The following DNAH17 variants were observed in gnomAD, a reference collection of about 807,000 sequenced individuals.
The protein encoded by DNAH17 is axonemal beta dynein heavy chain 17.
A neutral mutation model predicts 485.6 loss-of-function variants in DNAH17; 376 were observed. That is an observed-to-expected ratio of 0.77 (90% CI 0.71 to 0.84). The LOEUF (loss-of-function observed/expected upper bound fraction) is 0.84. Ranked by LOEUF, DNAH17 falls within the 40% of genes least tolerant of loss-of-function variation. The pLI is 0.00. For synonymous variants in DNAH17, 3,031 were observed against 2,405.9 expected (o/e 1.26, Z -7.60); for missense variants, 6,370 against 5,839.3 (o/e 1.09, Z -2.96).
At chr17:78,566,205 G>A (rs1392176658) in intron 11 of DNAH17, among the ~76,000 whole-genome samples, 1 of 152,138 alleles carries the variant, frequency 6.6e-6, no homozygotes, top group Non-Finnish European at 1.5e-5. Flanking sequence ...ATAGTAGCCT[G>A]CATGGACGAA....
intron 16 of DNAH17, among the ~76,000 whole-genome samples, chr17:78,546,029 C>T (rs2091753892): frequency 6.6e-6 from 1 of 151,768 alleles, no homozygotes; most frequent in Admixed American, 6.6e-5. Flanking sequence ...GGCTGGAGGG[C>T]AGTGGCACAA....
In DNAH17 at chr17:78,561,882, T is replaced by TA; in HGVS notation, c.1667dup (p.Asp557ArgfsTer4). 1 of 1,613,950 alleles carries TA rather than the reference T, an allele frequency of 6.2e-7. No homozygotes were observed. Among genetic ancestry groups the TA allele is most frequent in the South Asian group, 1.1e-5 (1 of 91,082 alleles). On this transcript the variant is annotated frameshift_variant, in exon 12 of 81. Transcript: ENST00000389840. LOFTEE classifies it high-confidence loss of function. Reference sequence around the variant, plus strand: ...CATCGTACAAGATCTTAGCATTGTCTAGCTCAGCGTCAAACAGCTCCAGCA... The same window carrying TA: ...CATCGTACAAGATCTTAGCATTGTCTAAGCTCAGCGTCAAACAGCTCCAGCA...
At chr17:78,535,164 G>A (rs1247820978) in intron 19 of DNAH17, among the ~76,000 whole-genome samples, 1 of 152,198 alleles carries the variant, frequency 6.6e-6, no homozygotes, top group African/African-American at 2.4e-5. Flanking sequence ...GAGCAGCTCT[G>A]TCTGCAGCAA....
intron 16 of DNAH17, among the ~76,000 whole-genome samples, chr17:78,544,998 T>C (rs1188913136): frequency 6.6e-6 from 1 of 151,938 alleles, no homozygotes; most frequent in Non-Finnish European, 1.5e-5. Flanking sequence ...CTCCATCCCA[T>C]CCCCCACTGG....
chr17:78,549,747 G>A (rs1214979189), intron 16 of DNAH17, among the ~76,000 whole-genome samples: 2 of 152,168 alleles, frequency 1.3e-5, no homozygotes, highest in African/African-American at 4.8e-5. Flanking sequence ...CTCAGGGGCA[G>A]CAGGAATCTC....
intron 20 of DNAH17, among the ~76,000 whole-genome samples, chr17:78,532,238 C>T (rs2091260019): frequency 6.6e-6 from 1 of 152,184 alleles, no homozygotes; most frequent in Non-Finnish European, 1.5e-5. Context: ...TTCCCCAGCT[C>T]CCTCTGCCTC....
At chr17:78,478,929 A>G in intron 51 of DNAH17, 96 bp downstream of exon 51, 1 of 932,288 alleles carries the variant, frequency 1.1e-6, no homozygotes. Context: ...CACCATCATC[A>G]GTCCACACCT....
chr17:78,544,243 C>T (rs1338851807), intron 16 of DNAH17, among the ~76,000 whole-genome samples: 1 of 152,180 alleles, frequency 6.6e-6, no homozygotes, highest in African/African-American at 2.4e-5. Flanking sequence ...CACAGAAAGA[C>T]CATTGAGATG....
chr17:78,532,227 T>C (rs2091259687), intron 20 of DNAH17, among the ~76,000 whole-genome samples: 2 of 152,118 alleles, frequency 1.3e-5, no homozygotes, highest in Admixed American at 1.3e-4. Context: ...TTCCCCACAT[T>C]TTCCCCAGCT....
chr17:78,574,198 G>T (rs1055078739), intron 2 of DNAH17, among the ~76,000 whole-genome samples: 4 of 152,192 alleles, frequency 2.6e-5, no homozygotes, highest in Non-Finnish European at 5.9e-5. Context: ...TTGTTAGACA[G>T]CAGGTCTGTG....
chr17:78,462,769 GCCTGTGA>G, intron 57 of DNAH17, 68 bp downstream of exon 57: 1 of 1,455,330 alleles, frequency 6.9e-7, no homozygotes, highest in Non-Finnish European at 9.5e-7. Flanking sequence ...GCCCGTGGAT[GCCTGTGA>G]CAGTAGCAGC....
At chr17:78,560,421 C>T (rs2092126713) in intron 13 of DNAH17, among the ~76,000 whole-genome samples, 2 of 152,090 alleles carry the variant, frequency 1.3e-5, no homozygotes, top group Non-Finnish European at 2.9e-5. Context: ...TGTGAATTCT[C>T]CCCAGTGTGC....
intron 11 of DNAH17, among the ~76,000 whole-genome samples, chr17:78,565,352 C>G (rs923568491): frequency 2.0e-5 from 3 of 152,228 alleles, no homozygotes; most frequent in Non-Finnish European, 4.4e-5. Context: ...AACACCAACT[C>G]GATCCAAGAC....
chr17:78,492,809 G>A lies in DNAH17; in HGVS notation c.6409-44C>T, dbSNP rs956262568. On this transcript the variant is annotated intron_variant, in intron 41 of 80. Coordinates refer to ENST00000389840, the MANE Select transcript of DNAH17 (RefSeq NM_173628.4). ...ACTCACGTGTGACTCCATGTTCCTG[G>A]CACATCCTGCCCCACTAGCCTCAGG... The A allele has an allele frequency of 4.5e-6, 7 of 1,567,442 alleles. No individual in the cohort carries two copies. In the East Asian group the frequency reaches 7.2e-5, roughly 16 times the overall value.
intron 51 of DNAH17, among the ~76,000 whole-genome samples, chr17:78,476,960 A>T (rs540917144): frequency 1.3e-5 from 2 of 152,278 alleles, no homozygotes; most frequent in Admixed American, 1.3e-4. Flanking sequence ...TTTTCCTCAT[A>T]GGACAGGGTT....
chr17:78,491,817 C>A (rs1472641034), intron 42 of DNAH17, among the ~76,000 whole-genome samples: 2 of 152,224 alleles, frequency 1.3e-5, no homozygotes, highest in African/African-American at 2.4e-5. Flanking sequence ...TCCCTGTCAG[C>A]CCCTCTTTGT....
Position 78,458,725 on chromosome 17 carries a change from T to C in DNAH17, c.9862-45A>G. 2.0e-6 allele frequency: 3 copies of C among 1,530,080 alleles called. No homozygotes were observed. In the South Asian group the frequency reaches 3.4e-5, roughly 17 times the overall value. 94.8% of individuals were successfully genotyped at this position (1,530,080 alleles called of 1,614,324 possible). A position where few individuals can be genotyped will look rare whatever the true frequency, so the allele number is the denominator to read the frequency against. On this transcript the variant is annotated intron_variant, in intron 61 of 80. Coordinates refer to ENST00000389840, the MANE Select transcript of DNAH17 (RefSeq NM_173628.4). ...AGCTGCTGGAAAACCCCACGAGGCA[T>C]CTCTAGCCCCCTGCAGCGGCAGCAG...
At chr17:78,443,293 G>C (rs976703444) in intron 71 of DNAH17, among the ~76,000 whole-genome samples, 1 of 152,174 alleles carries the variant, frequency 6.6e-6, no homozygotes, top group African/African-American at 2.4e-5. Context: ...GGGTGATCCC[G>C]CTGCGATGGC....
intron 44 of DNAH17, among the ~76,000 whole-genome samples, 198 bp downstream of exon 44, chr17:78,490,501 C>T (rs540121863): frequency 1.4e-4 from 22 of 152,182 alleles, no homozygotes; most frequent in African/African-American, 5.1e-4. Context: ...CTCAGCTGCC[C>T]TGCCTCGTGT....
Sources: allele counts gnomAD v4.1 joint callset (sites outside exome capture counted in the v4.1 genomes callset), GRCh38; gene constraint gnomAD v4.1.1; transcripts MANE v1.5; gene names NCBI Gene and HGNC (gene_info 2026-07-23, HGNC 2026-07-21).